The following RBFOX1 variants were observed in gnomAD, a reference collection of about 807,000 sequenced individuals.
The protein encoded by RBFOX1 is RNA binding protein fox-1 homolog 1.
RBFOX1 carries 8 observed loss-of-function variants against 57.7 expected under a neutral mutation model. That is an observed-to-expected ratio of 0.14 (90% CI 0.08 to 0.25). The LOEUF (loss-of-function observed/expected upper bound fraction) is 0.25. Ranked by LOEUF, RBFOX1 falls within the 10% of genes least tolerant of loss-of-function variation. The pLI is 1.00. For synonymous variants in RBFOX1, 326 were observed against 222.4 expected, an observed-to-expected ratio of 1.47 and a Z score of -4.15; for missense variants, 611 against 548.5, an observed-to-expected ratio of 1.11 and a Z score of -1.14.
At chr16:6,208,471 C>G (rs1226970855) in intron 1 of RBFOX1, among the ~76,000 whole-genome samples, 1 of 151,994 alleles carries the variant, frequency 6.6e-6, no homozygotes, top group Non-Finnish European at 1.5e-5. Flanking sequence ...GGAGGGTAAG[C>G]CCAAAGAGTC....
At chr16:6,887,723 T>A (rs536712837) in intron 3 of RBFOX1, among the ~76,000 whole-genome samples, 1 of 151,810 alleles carries the variant, frequency 6.6e-6, no homozygotes, top group South Asian at 2.1e-4. Flanking sequence ...AGTGCCCTGG[T>A]GCAATCTTGG....
At chr16:6,837,341 T>C (rs936609441) in intron 3 of RBFOX1, among the ~76,000 whole-genome samples, 2 of 152,180 alleles carry the variant, frequency 1.3e-5, no homozygotes, top group Non-Finnish European at 2.9e-5. Flanking sequence ...TGGCTGACTC[T>C]GATAAGGAAG....
At chr16:6,103,217 G>A (rs372300892) in intron 1 of RBFOX1, among the ~76,000 whole-genome samples, 3 of 152,292 alleles carry the variant, frequency 2.0e-5, no homozygotes, top group East Asian at 3.9e-4. Context: ...CTTGGGGTCT[G>A]AACCCTGTGG....
chr16:7,000,324 C>G (rs1486969863), intron 3 of RBFOX1, among the ~76,000 whole-genome samples: 1 of 152,002 alleles, frequency 6.6e-6, no homozygotes, highest in Non-Finnish European at 1.5e-5. Flanking sequence ...CGATATGTCT[C>G]AAATTAAAAT....
chr16:7,066,678 C>A (rs757113187), intron 4 of RBFOX1, among the ~76,000 whole-genome samples: 1 of 152,120 alleles, frequency 6.6e-6, no homozygotes. Flanking sequence ...TCTATGTGTT[C>A]TAATTTAAGG....
At chr16:7,083,865 T>A (rs914232614) in intron 4 of RBFOX1, among the ~76,000 whole-genome samples, 2 of 152,124 alleles carry the variant, frequency 1.3e-5, no homozygotes, top group African/African-American at 4.8e-5. Flanking sequence ...TTCTCTACCA[T>A]CCTGAGGAAT....
chr16:6,801,104 C>T (rs146902110), intron 3 of RBFOX1, among the ~76,000 whole-genome samples: 6 of 150,312 alleles, frequency 4.0e-5, no homozygotes, highest in Non-Finnish European at 7.4e-5. Flanking sequence ...TTCAGTAGAT[C>T]TGGGGATTGA....
intron 3 of RBFOX1, among the ~76,000 whole-genome samples, chr16:5,715,704 C>A (rs1479697237): frequency 6.6e-6 from 1 of 152,166 alleles, no homozygotes; most frequent in Non-Finnish European, 1.5e-5. Flanking sequence ...GGAAAGCAAG[C>A]AATGTGCTGA....
chr16:6,374,587 C>T (rs899104878), intron 2 of RBFOX1, among the ~76,000 whole-genome samples: 2 of 152,088 alleles, frequency 1.3e-5, no homozygotes, highest in African/African-American at 2.4e-5. Flanking sequence ...GTGTAATGTA[C>T]ATAAGAACAA....
chr16:6,979,911 C>T lies in RBFOX1; in HGVS notation c.-15-72146C>T, dbSNP rs1187173659. Among the ~76,000 whole-genome samples, 4 of 152,064 alleles carry T rather than the reference C, an allele frequency of 2.6e-5. No individual in the cohort carries two copies. The East Asian group carries it at 5.8e-4, about 22-fold the overall frequency. ...GTGTGGCCACAGGACAAGATCTTGTCAAAGAGATGGAACTGCCAGTTTCTG... is the reference window on the plus strand; with the variant it reads ...GTGTGGCCACAGGACAAGATCTTGTTAAAGAGATGGAACTGCCAGTTTCTG... On this transcript the variant is annotated intron_variant, in intron 3 of 15. Transcript: ENST00000550418.
At chr16:5,453,263 A>G (rs2068483256) in intron 1 of RBFOX1, among the ~76,000 whole-genome samples, 1 of 152,188 alleles carries the variant, frequency 6.6e-6, no homozygotes, top group Non-Finnish European at 1.5e-5. Flanking sequence ...AGTCTAGGGA[A>G]CAGACTGTTA....
chr16:6,633,156 G>A (rs1327140361), intron 2 of RBFOX1, among the ~76,000 whole-genome samples: 4 of 152,164 alleles, frequency 2.6e-5, no homozygotes, highest in Admixed American at 6.5e-5. Context: ...CCTGTGCTGC[G>A]TGGGGATCTT....
At chr16:5,545,425 T>C (rs560573832) in intron 2 of RBFOX1, among the ~76,000 whole-genome samples, 5 of 152,120 alleles carry the variant, frequency 3.3e-5, no homozygotes, top group African/African-American at 1.2e-4. Context: ...GAAACTGAAG[T>C]CCAATATCTA....
intron 4 of RBFOX1, among the ~76,000 whole-genome samples, chr16:7,257,853 A>T (rs2094759293): frequency 6.6e-6 from 1 of 152,208 alleles, no homozygotes; most frequent in Non-Finnish European, 1.5e-5. Context: ...AAGTCCTTGC[A>T]TTCTGGCTGG....
At chr16:6,363,127 G>T (rs1443796265) in intron 2 of RBFOX1, among the ~76,000 whole-genome samples, 1 of 152,148 alleles carries the variant, frequency 6.6e-6, no homozygotes, top group Non-Finnish European at 1.5e-5. Flanking sequence ...AGTTGTCTCT[G>T]CCTCATTAAG....
At chr16:6,091,992 C>G (rs2096181909) in intron 1 of RBFOX1, among the ~76,000 whole-genome samples, 1 of 152,222 alleles carries the variant, frequency 6.6e-6, no homozygotes, top group South Asian at 2.1e-4. Context: ...TTCATCCACT[C>G]ATTCCTCCAT....
chr16:7,117,544 C>G (rs560549706), intron 4 of RBFOX1, among the ~76,000 whole-genome samples: 14 of 152,088 alleles, frequency 9.2e-5, no homozygotes, highest in Non-Finnish European at 1.8e-4. Context: ...TTAGGAAAAT[C>G]TATTAACTTA....
intron 1 of RBFOX1, among the ~76,000 whole-genome samples, chr16:5,335,495 T>C (rs991390092): frequency 6.6e-6 from 1 of 152,210 alleles, no homozygotes; most frequent in Non-Finnish European, 1.5e-5. Context: ...GATTAGGAGA[T>C]AAAACAGAAA....
intron 2 of RBFOX1, among the ~76,000 whole-genome samples, chr16:6,654,086 A>G (rs775089232): frequency 1.4e-5 from 2 of 143,696 alleles, no homozygotes; most frequent in African/African-American, 2.5e-5. Flanking sequence ...GGATGATTAG[A>G]TCAATGGGCA....
Sources: allele counts gnomAD v4.1 joint callset (sites outside exome capture counted in the v4.1 genomes callset), GRCh38; gene constraint gnomAD v4.1.1; transcripts MANE v1.5; gene names NCBI Gene and HGNC (gene_info 2026-07-23, HGNC 2026-07-21).